The following NRXN1 variants were observed in gnomAD, a reference collection of about 807,000 sequenced individuals.
NRXN1 encodes the protein neurexin-1.
Under a neutral mutation model 150.9 loss-of-function variants are expected in NRXN1, and 39 were observed. The observed-to-expected ratio is 0.26, with a 90% CI of 0.20 to 0.34. NRXN1 has a LOEUF of 0.34. Among genes scored for constraint, NRXN1 ranks in the 10% least tolerant of loss-of-function variants. The pLI, the probability that NRXN1 is intolerant of heterozygous loss-of-function variation, is 1.00. For synonymous variants in NRXN1, 924 were observed against 757.0 expected (o/e 1.22, Z -3.62); for missense variants, 1,815 against 1,949.9 (o/e 0.93, Z 1.30).
chr2:50,921,912 A>T, intron 4 of NRXN1, 32 bp from the exon 5 acceptor site: 1 of 1,369,358 alleles, frequency 7.3e-7, no homozygotes, highest in Non-Finnish European at 9.7e-7. Flanking sequence ...TCCATGAAGA[A>T]AGGGTTTCCA....
chr2:50,888,362 T>G (rs181923545), intron 5 of NRXN1, among the ~76,000 whole-genome samples: 1 of 151,724 alleles, frequency 6.6e-6, no homozygotes, highest in Non-Finnish European at 1.5e-5. Context: ...TTCCAACTGA[T>G]TTCATGTTTG....
At chr2:50,693,543 C>T (rs1314697024) in intron 5 of NRXN1, among the ~76,000 whole-genome samples, 1 of 152,032 alleles carries the variant, frequency 6.6e-6, no homozygotes, top group Non-Finnish European at 1.5e-5. Flanking sequence ...TGTGAGACCA[C>T]AAATGCAAAA....
At position 50,241,013 on chromosome 2, in the gene NRXN1, C is replaced by T. The variant is rs575113169; in HGVS notation, c.3365-4043G>A. Among the ~76,000 whole-genome samples the T allele has an allele frequency of 4.6e-5, 7 of 151,628 alleles. No homozygotes were observed. The East Asian group carries it at 5.8e-4, about 13-fold the overall frequency. On this transcript the variant is annotated intron_variant, in intron 17 of 22. Coordinates refer to ENST00000401669, the MANE Select transcript of NRXN1 (RefSeq NM_001330078.2). The stretch of plus-strand genomic sequence containing the variant: ...CAAGTGACTTTCAAAAATGACATTC[C>T]TACCTCGTAATTTTTATTAATATTT...
chr2:49,989,788 A>C (rs536896018), intron 21 of NRXN1, among the ~76,000 whole-genome samples: 1 of 152,328 alleles, frequency 6.6e-6, no homozygotes, highest in African/African-American at 2.4e-5. Flanking sequence ...TTGGTAGGAA[A>C]GTAGTATTCA....
At chr2:50,179,255 C>T (rs1228825993) in intron 18 of NRXN1, among the ~76,000 whole-genome samples, 1 of 152,072 alleles carries the variant, frequency 6.6e-6, no homozygotes, top group African/African-American at 2.4e-5. Context: ...AGGTAAACAT[C>T]CCTAACCTGT....
intron 2 of NRXN1, among the ~76,000 whole-genome samples, chr2:51,013,103 C>A (rs1016166874): frequency 5.9e-5 from 9 of 152,030 alleles, no homozygotes; most frequent in South Asian, 4.1e-4. Context: ...AGAGTCAGTA[C>A]TGGGAGGATA....
At chr2:50,083,844 C>A (rs922596486) in intron 19 of NRXN1, among the ~76,000 whole-genome samples, 3 of 152,126 alleles carry the variant, frequency 2.0e-5, no homozygotes, top group African/African-American at 7.2e-5. Flanking sequence ...AAACCCTGAG[C>A]TAGATACAGA....
chr2:50,247,142 A>G (rs2152893304), intron 17 of NRXN1, among the ~76,000 whole-genome samples: 1 of 152,192 alleles, frequency 6.6e-6, no homozygotes, highest in East Asian at 1.9e-4. Context: ...ATTTCACCTA[A>G]TACAACAATC....
At chr2:50,159,761 G>A (rs561001229) in intron 18 of NRXN1, among the ~76,000 whole-genome samples, 8 of 151,996 alleles carry the variant, frequency 5.3e-5, no homozygotes, top group Admixed American at 3.3e-4. Flanking sequence ...AAAATGTCTT[G>A]GGAGAAGGAA....
chr2:50,271,788 C>T (rs956078078), intron 17 of NRXN1, among the ~76,000 whole-genome samples: 3 of 151,850 alleles, frequency 2.0e-5, no homozygotes, highest in East Asian at 3.9e-4. Flanking sequence ...AATAACAGTA[C>T]AATAATGGTA....
intron 5 of NRXN1, among the ~76,000 whole-genome samples, chr2:50,647,851 A>G (rs1033714079): frequency 6.6e-6 from 1 of 151,992 alleles, no homozygotes; most frequent in African/African-American, 2.4e-5. Context: ...ACAGAAGAAG[A>G]AAAATACTCC....
Position 50,900,110 on chromosome 2 carries a change from G to A in NRXN1, c.832+21759C>T, listed in dbSNP as rs184917027. ...ATGAATATTATCAAGAGAAGGCTGAGCAATACAAATAAAAGAAATAATATC... is the reference window on the plus strand; with the variant it reads ...ATGAATATTATCAAGAGAAGGCTGAACAATACAAATAAAAGAAATAATATC... On this transcript the variant is annotated intron_variant, in intron 5 of 22. Transcript: ENST00000401669. Among the ~76,000 whole-genome samples, 37 of 152,232 alleles carry A rather than the reference G, an allele frequency of 2.4e-4. 1 individual carries two copies. The South Asian group carries it at 7.5e-3, about 31-fold the overall frequency.
At chr2:50,525,442 T>C (rs997122052) in intron 12 of NRXN1, among the ~76,000 whole-genome samples, 1 of 152,218 alleles carries the variant, frequency 6.6e-6, no homozygotes, top group African/African-American at 2.4e-5. Context: ...GGTAATCTGA[T>C]TGTCCTTCTA....
At chr2:50,630,666 C>T (rs1270001376) in intron 5 of NRXN1, among the ~76,000 whole-genome samples, 1 of 151,668 alleles carries the variant, frequency 6.6e-6, no homozygotes, top group East Asian at 1.9e-4. Flanking sequence ...GCTTTTCATA[C>T]ATATAATCCC....
intron 8 of NRXN1, among the ~76,000 whole-genome samples, chr2:50,589,992 A>G (rs951894553): frequency 8.5e-5 from 13 of 152,226 alleles, no homozygotes; most frequent in African/African-American, 3.1e-4. Flanking sequence ...AAGTATCTGA[A>G]TGAATGTATA....
At chr2:50,074,708 G>A (rs1696794920) in intron 19 of NRXN1, among the ~76,000 whole-genome samples, 1 of 152,166 alleles carries the variant, frequency 6.6e-6, no homozygotes, top group African/African-American at 2.4e-5. Context: ...TTAGAACAGA[G>A]TCTAAAAGTT....
intron 22 of NRXN1, among the ~76,000 whole-genome samples, chr2:49,930,707 A>G (rs1669980444): frequency 6.6e-6 from 1 of 152,104 alleles, no homozygotes; most frequent in Non-Finnish European, 1.5e-5. Flanking sequence ...TCTCTTTCTT[A>G]TTAGTTCTCT....
chr2:50,352,003 G>A (rs889870015), intron 17 of NRXN1, among the ~76,000 whole-genome samples: 3 of 152,062 alleles, frequency 2.0e-5, no homozygotes, highest in Admixed American at 1.3e-4. Context: ...AGCTGTACTT[G>A]TGTGAACTCT....
intron 17 of NRXN1, among the ~76,000 whole-genome samples, chr2:50,436,836 C>T (rs1010426917): frequency 6.6e-6 from 1 of 152,084 alleles, no homozygotes; most frequent in Admixed American, 6.5e-5. Context: ...TTGCAATACC[C>T]TTTGTGATGT....
Sources: gnomAD v4.1 joint callset for allele counts (sites outside exome capture counted in the v4.1 genomes callset) on GRCh38, gnomAD v4.1.1 for gene constraint, MANE v1.5 for transcripts, NCBI Gene and HGNC (gene_info 2026-07-23, HGNC 2026-07-21) for gene names.